Variants in ATP9B observed in about 807,000 individuals in gnomAD.
ATP9B encodes ATPase phospholipid transporting 9B, also known as probable phospholipid-transporting ATPase IIB.
ATP9B carries 110 observed loss-of-function variants against 146.1 expected under a neutral mutation model. The ratio of observed to expected loss-of-function variants is 0.75; its 90% CI spans 0.65 to 0.88. The LOEUF (loss-of-function observed/expected upper bound fraction) is 0.88, where lower values mean the gene tolerates loss of function less well. ATP9B is among the 40% of genes least tolerant of loss of function. The probability of loss-of-function intolerance (pLI) is 0.00; values close to 1 mark genes in which losing one functional copy is unlikely to be tolerated. For missense variants in ATP9B, 1,499 were observed against 1,496.4 expected, an observed-to-expected ratio of 1.00 and a Z score of -0.03; for synonymous variants, 604 against 569.7, an observed-to-expected ratio of 1.06 and a Z score of -0.86.
chr18:79,228,138 A>G (rs2095754681), intron 11 of ATP9B, among the ~76,000 whole-genome samples: 1 of 152,224 alleles, frequency 6.6e-6, no homozygotes, highest in Non-Finnish European at 1.5e-5. Flanking sequence ...TTAGATGAGT[A>G]TGGAATAGTA....
chr18:79,194,552 G>A (rs2095400698), intron 9 of ATP9B: 1 of 152,226 alleles, frequency 6.6e-6, no homozygotes, highest in South Asian at 2.1e-4. Flanking sequence ...ACCGGAGGAA[G>A]CCATTGAAGG....
intron 7 of ATP9B, among the ~76,000 whole-genome samples, chr18:79,158,785 T>A (rs2094834222): frequency 6.6e-6 from 1 of 152,252 alleles, no homozygotes; most frequent in South Asian, 2.1e-4. Context: ...ATATTCTGTA[T>A]GCACTTGAGG....
rs2095540581 is a variant in ATP9B at position 79,207,008 on chromosome 18, A to C, written c.1026A>C (p.Ala342=). Residue 342 remains alanine, a synonymous_variant, in exon 10 of 30, where the codon GCA becomes GCC. Transcript: ENST00000426216. Reference sequence around the variant, plus strand: ...CATTGTGGGCAAGCACCATTGTTGCATCAGGTAAGGAAAACATTCTCCTCT... The same window carrying C: ...CATTGTGGGCAAGCACCATTGTTGCCTCAGGTAAGGAAAACATTCTCCTCT... ...ENTLWASTIV[A]SGTVIGVVIY... 6.2e-7 allele frequency: 1 copy of C among 1,613,666 alleles called. No homozygotes were observed. Among genetic ancestry groups the C allele is most frequent in the Non-Finnish European group, 8.5e-7 (1 of 1,179,684 alleles).
Position 79,186,379 on chromosome 18 carries a change from G to A in ATP9B, c.874-6804G>A, listed in dbSNP as rs554223617. On this transcript the variant is annotated intron_variant, in intron 8 of 29. Transcript: ENST00000426216. Reference sequence around the variant, plus strand: ...TTTTTAAATTATCGTGAAAAGCTTCGAATGACATTCTCATTATTGTGCCAT... The same window carrying A: ...TTTTTAAATTATCGTGAAAAGCTTCAAATGACATTCTCATTATTGTGCCAT... 1.1e-3 allele frequency among the ~76,000 whole-genome samples: 160 copies of A among 152,112 alleles called. 1 individual carries two copies. Among genetic ancestry groups the A allele is most frequent in the African/African-American group, 3.9e-3 (160 of 41,500 alleles).
rs1163858163 is a variant in ATP9B at position 79,331,712 on chromosome 18, T to TA, written c.2028+1621dup. Among the ~76,000 whole-genome samples the TA allele has an allele frequency of 3.0e-3, 426 of 143,354 alleles. 7 individuals are homozygous for TA. The highest frequency in any genetic ancestry group is 2.0e-3 in the Non-Finnish European group (130 of 65,094). The allele number at this position is 143,354 out of a possible 152,430, so 94.0% of individuals were successfully genotyped here. A position where few individuals can be genotyped will look rare whatever the true frequency, so the allele number is the denominator to read the frequency against. On this transcript the variant is annotated intron_variant, in intron 17 of 29. Transcript: ENST00000426216. ...CTGAATTCTTGGCTTGTCAAATGTT[T>TA]AAAAAAAAAAAAACTTTTCAATGAT...
At chr18:79,165,843 G>T (rs1449947758) in intron 7 of ATP9B, among the ~76,000 whole-genome samples, 1 of 152,156 alleles carries the variant, frequency 6.6e-6, no homozygotes, top group Non-Finnish European at 1.5e-5. Flanking sequence ...TTCCTGACAG[G>T]CTTGGCCTAG....
rs116091758 is a variant in ATP9B, at chr18:79,121,712, G to A, written c.559-4555G>A. On this transcript the variant is annotated intron_variant, in intron 4 of 29. Transcript: ENST00000426216. ...TGACATCTTTTGGGTGTTGAGAATC[G>A]TACACATGTGTTACTTATTCAGAGA... Among the ~76,000 whole-genome samples, 737 of 152,298 alleles carry A rather than the reference G, an allele frequency of 4.8e-3. 5 individuals carry two copies. Among genetic ancestry groups the A allele is most frequent in the South Asian group, 0.024 (116 of 4,828 alleles).
chr18:79,374,187 G>A (rs1408194259), intron 28 of ATP9B, 86 bp downstream of exon 28: 4 of 1,427,564 alleles, frequency 2.8e-6, no homozygotes, highest in Non-Finnish European at 3.8e-6. Flanking sequence ...AATACATTGT[G>A]TTAAGTTGTG....
chr18:79,344,021 C>T lies in ATP9B; in HGVS notation c.2383-244C>T, dbSNP rs910105618. The stretch of plus-strand genomic sequence containing the variant: ...TGATTCCACTGCATTCCTCACTATA[C>T]GTTTCCTGCTTGCAGTTGCCACAAA... On this transcript the variant is annotated intron_variant, in intron 20 of 29. Transcript: ENST00000426216. 1.1e-5 allele frequency: 6 copies of T among 561,050 alleles called. 1 individual carries two copies. The highest frequency in any genetic ancestry group is 4.1e-5 in the South Asian group (2 of 48,452). 34.8% of individuals were successfully genotyped at this position (561,050 alleles called of 1,614,324 possible).
At chr18:79,288,084 G>A (rs2096463278) in intron 13 of ATP9B, among the ~76,000 whole-genome samples, 1 of 151,964 alleles carries the variant, frequency 6.6e-6, no homozygotes. Flanking sequence ...TGAAAAATAT[G>A]TATATTCTGT....
chr18:79,309,302 A>C (rs1599846530), intron 15 of ATP9B, among the ~76,000 whole-genome samples: 1 of 77,810 alleles, frequency 1.3e-5, no homozygotes. Flanking sequence ...AGTGATCCCC[A>C]GCAGGTAGAA....
intron 8 of ATP9B, 59 bp downstream of exon 8, chr18:79,176,966 C>A: frequency 1.4e-6 from 2 of 1,424,334 alleles, no homozygotes; most frequent in Non-Finnish European, 1.9e-6. Flanking sequence ...CTAGGCTTCA[C>A]GTATATTTCT....
intron 7 of ATP9B, among the ~76,000 whole-genome samples, chr18:79,167,708 C>T (rs1197290754): frequency 6.6e-6 from 1 of 152,222 alleles, no homozygotes; most frequent in Non-Finnish European, 1.5e-5. Flanking sequence ...AGAAAAAGCA[C>T]TATCCGATTG....
At chr18:79,258,684 T>A (rs1156513690) in intron 12 of ATP9B, among the ~76,000 whole-genome samples, 2 of 152,202 alleles carry the variant, frequency 1.3e-5, no homozygotes, top group Non-Finnish European at 2.9e-5. Context: ...GTCAGCTGTT[T>A]TATGTTTAGC....
chr18:79,338,639 C>T lies in ATP9B; in HGVS notation c.2283+1190C>T, dbSNP rs114000796. On this transcript the variant is annotated intron_variant, in intron 19 of 29. Coordinates refer to ENST00000426216, the MANE Select transcript of ATP9B (RefSeq NM_198531.5). Reference sequence around the variant, plus strand: ...GGCGGGGCACACGCTCCCTGCCCACCGACCTGCTCTCTGGCTTTTTCACTT... The same window carrying T: ...GGCGGGGCACACGCTCCCTGCCCACTGACCTGCTCTCTGGCTTTTTCACTT... Among the ~76,000 whole-genome samples the T allele has an allele frequency of 6.4e-3, 970 of 152,304 alleles. 12 individuals carry two copies. Among genetic ancestry groups the T allele is most frequent in the African/African-American group, 0.022 (926 of 41,544 alleles).
At position 79,359,548 on chromosome 18, in the gene ATP9B, G is replaced by A. The variant is rs764445654; in HGVS notation, c.3012+86G>A. On this transcript the variant is annotated intron_variant, in intron 26 of 29. Transcript: ENST00000426216. ...GAGTGAGAAACAGGCCAGTCAGGAG[G>A]CATTTCCAGGCATTTTGTGAAAAAC... 8 of 953,938 alleles carry A rather than the reference G, an allele frequency of 8.4e-6. No homozygotes were observed. In the South Asian group the frequency reaches 9.6e-5, roughly 11 times the overall value. The allele number at this position is 953,938 out of a possible 1,614,324, so 59.1% of individuals were successfully genotyped here. A position where few individuals can be genotyped will look rare whatever the true frequency, so the allele number is the denominator to read the frequency against.
intron 5 of ATP9B, among the ~76,000 whole-genome samples, chr18:79,130,699 C>CAGAG (rs144057631): frequency 6.7e-6 from 1 of 150,022 alleles, no homozygotes; most frequent in Non-Finnish European, 1.5e-5. Flanking sequence ...ACCCTGAAAG[C>CAGAG]AGAGAGAGAG....
At chr18:79,098,292 T>G (rs1168061845) in intron 2 of ATP9B, among the ~76,000 whole-genome samples, 4 of 150,584 alleles carry the variant, frequency 2.7e-5, no homozygotes, top group East Asian at 3.9e-4. Flanking sequence ...GAAGAAAACC[T>G]AGGCATTACC....
At chr18:79,301,869 C>A (rs2096592792) in intron 13 of ATP9B, among the ~76,000 whole-genome samples, 1 of 152,184 alleles carries the variant, frequency 6.6e-6, no homozygotes, top group Non-Finnish European at 1.5e-5. Context: ...TCAAAACAAT[C>A]TCTAAAATAG....
Sources: gnomAD v4.1 joint callset for allele counts (sites outside exome capture counted in the v4.1 genomes callset) on GRCh38, gnomAD v4.1.1 for gene constraint, MANE v1.5 for transcripts, NCBI Gene and HGNC (gene_info 2026-07-23, HGNC 2026-07-21) for gene names.